Variants in IQCH observed in about 807,000 individuals in gnomAD.
The protein encoded by IQCH is IQ motif containing H.
IQCH carries 98 observed loss-of-function variants against 117.0 expected under a neutral mutation model. That is an observed-to-expected ratio of 0.84 (90% CI 0.71 to 0.99). The LOEUF (loss-of-function observed/expected upper bound fraction) is 0.99, where lower values mean the gene tolerates loss of function less well. Ranked by LOEUF, IQCH falls within the 50% of genes least tolerant of loss-of-function variation. IQCH has a pLI of 0.00. For synonymous variants in IQCH, 412 were observed against 448.2 expected (o/e 0.92, Z 1.02); for missense variants, 1,102 against 1,243.8 (o/e 0.89, Z 1.72).
At chr15:67,402,080 C>T (rs1971683476) in intron 14 of IQCH, among the ~76,000 whole-genome samples, 1 of 152,106 alleles carries the variant, frequency 6.6e-6, no homozygotes, top group South Asian at 2.1e-4. Flanking sequence ...TGACATTTGG[C>T]TGAATTGTAT....
At position 67,357,555 on chromosome 15, in the gene IQCH, T is replaced by G. The variant is rs1969943431; in HGVS notation, c.714+134T>G. On this transcript the variant is annotated intron_variant, in intron 7 of 20. Transcript: ENST00000335894. ...AGTGCTATTTCAGCTGCTGCTGGTA[T>G]GCATTTGACTTTCAAAAGGGGAATT... is the stretch of plus-strand genomic sequence containing the variant. The G allele has an allele frequency of 1.0e-5, 7 of 670,124 alleles. No homozygotes were observed. In the South Asian group the frequency reaches 1.1e-4, roughly 10 times the overall value. The allele number at this position is 670,124 out of a possible 1,614,324, so 41.5% of individuals were successfully genotyped here.
chr15:67,352,688 T>C (rs1252742781), intron 6 of IQCH, among the ~76,000 whole-genome samples: 1 of 152,078 alleles, frequency 6.6e-6, no homozygotes, highest in African/African-American at 2.4e-5. Flanking sequence ...TGAAAACAAT[T>C]TGTCTTTTGT....
chr15:67,267,305 G>A (rs1250984228), intron 3 of IQCH, among the ~76,000 whole-genome samples: 6 of 152,182 alleles, frequency 3.9e-5, no homozygotes, highest in African/African-American at 9.7e-5. Flanking sequence ...TAGAGTGATG[G>A]TTCTCAAACT....
Position 67,433,578 on chromosome 15 carries a change from A to G in IQCH, c.2505+12001A>G, listed in dbSNP as rs1029728928. On this transcript the variant is annotated intron_variant, in intron 16 of 20. Coordinates refer to ENST00000335894, the MANE Select transcript of IQCH (RefSeq NM_001031715.3). This position sits in a 1 kb window ranked among gnomAD's most constrained non-coding sequence, Gnocchi z 5.4. ...TCCTCAAAAGATGCCCATTCTCATC[A>G]TGGAGCTCTTTGCTTCCTTTCAAAT... Among the ~76,000 whole-genome samples, 3 of 152,168 alleles carry G rather than the reference A, an allele frequency of 2.0e-5. No homozygotes were observed. The highest frequency in any genetic ancestry group is 4.8e-5 in the African/African-American group (2 of 41,428).
chr15:67,339,342 C>T (rs1460494682), intron 5 of IQCH, among the ~76,000 whole-genome samples: 1 of 152,078 alleles, frequency 6.6e-6, no homozygotes, highest in Admixed American at 6.6e-5. Context: ...AAAATGAACA[C>T]AGGTCAAAGA....
chr15:67,264,486 T>A (rs896713157), intron 3 of IQCH, among the ~76,000 whole-genome samples: 2 of 152,180 alleles, frequency 1.3e-5, no homozygotes, highest in Non-Finnish European at 2.9e-5. Context: ...GCTTCCAAGC[T>A]CACTCATATA....
intron 18 of IQCH, among the ~76,000 whole-genome samples, chr15:67,483,056 T>TGGTC (rs1172821919): frequency 2.6e-5 from 4 of 152,236 alleles, no homozygotes; most frequent in African/African-American, 9.6e-5. Flanking sequence ...AGAACACTCC[T>TGGTC]GGTCACCTTT....
chr15:67,293,997 C>T (rs1386880295), intron 4 of IQCH, among the ~76,000 whole-genome samples: 1 of 152,100 alleles, frequency 6.6e-6, no homozygotes, highest in African/African-American at 2.4e-5. Flanking sequence ...TTTGAAAGGT[C>T]CCCTATAGAT....
In IQCH at chr15:67,476,435, TC is replaced by T; in HGVS notation, c.2799+618del. Among the ~76,000 whole-genome samples the T allele has an allele frequency of 6.6e-6, 1 of 152,284 alleles. No homozygotes were observed. Among genetic ancestry groups the T allele is most frequent in the African/African-American group, 2.4e-5 (1 of 41,552 alleles). ...CAATCAAAGCATCACACCTACAGCC[TC>T]ATTTAACCTTAATCACTTCCTTAGA... On this transcript the variant is annotated intron_variant, in intron 18 of 20. Transcript: ENST00000335894. This position sits in a 1 kb window ranked among gnomAD's most constrained non-coding sequence, Gnocchi z 4.1.
At chr15:67,428,238 T>C (rs1257493275) in intron 16 of IQCH, among the ~76,000 whole-genome samples, 1 of 152,012 alleles carries the variant, frequency 6.6e-6, no homozygotes, top group East Asian at 1.9e-4. Context: ...CTTTATAGAA[T>C]AGATAAAGGT....
intron 15 of IQCH, 83 bp from the exon 16 acceptor site, chr15:67,421,208 C>A: frequency 8.4e-7 from 1 of 1,196,506 alleles, no homozygotes; most frequent in South Asian, 1.5e-5. Context: ...CAAAGTCTTT[C>A]AAGACATGGC....
At chr15:67,357,483 A>G (rs764702633) in intron 7 of IQCH, 62 bp downstream of exon 7, 13 of 1,063,148 alleles carry the variant, frequency 1.2e-5, no homozygotes, top group African/African-American at 1.1e-4. Context: ...TCTGTGAGAT[A>G]TTTGGTGATT....
Position 67,385,034 on chromosome 15 carries a change from T to C in IQCH, c.1456+15T>C. The C allele has an allele frequency of 2.7e-6, 4 of 1,468,846 alleles. No individual in the cohort carries two copies. Among genetic ancestry groups the C allele is most frequent in the Non-Finnish European group, 3.8e-6 (4 of 1,048,968 alleles). The allele number at this position is 1,468,846 out of a possible 1,614,324, so 91.0% of individuals were successfully genotyped here. ...TGACATCTTAGGTACAGTAAATAGT[T>C]TTACACAAATGACTCTTTGGAATGT... On this transcript the variant is annotated intron_variant, in intron 11 of 20. Transcript: ENST00000335894. The surrounding 1 kb of genome is among the most constrained non-coding windows in gnomAD (Gnocchi z 4.6).
intron 4 of IQCH, among the ~76,000 whole-genome samples, chr15:67,317,889 C>G (rs546435089): frequency 2.0e-5 from 3 of 152,194 alleles, no homozygotes; most frequent in East Asian, 1.9e-4. Flanking sequence ...CTTCCCACCC[C>G]CAAGCCCTAC....
At chr15:67,294,438 C>T (rs781059298) in intron 4 of IQCH, among the ~76,000 whole-genome samples, 1 of 152,160 alleles carries the variant, frequency 6.6e-6, no homozygotes, top group Non-Finnish European at 1.5e-5. Context: ...AATATTTCCA[C>T]GTGTCCCAGT....
intron 17 of IQCH, among the ~76,000 whole-genome samples, chr15:67,469,413 C>T (rs2083015305): frequency 6.6e-6 from 1 of 152,204 alleles, no homozygotes; most frequent in Admixed American, 6.5e-5. Context: ...AAGGAAGGGA[C>T]ATCTCCTGTA....
chr15:67,255,476 C>T (rs1186677459), intron 1 of IQCH, among the ~76,000 whole-genome samples: 1 of 152,178 alleles, frequency 6.6e-6, no homozygotes, highest in Non-Finnish European at 1.5e-5. Context: ...TAGTGAAAGA[C>T]CTTTTTAATT....
chr15:67,418,671 T>A (rs1016715384), intron 15 of IQCH, among the ~76,000 whole-genome samples: 1 of 148,176 alleles, frequency 6.7e-6, no homozygotes, highest in African/African-American at 2.5e-5. Context: ...CTCCGCCTCC[T>A]AGGTTCAAGT....
chr15:67,446,177 C>G (rs140917800), intron 16 of IQCH, among the ~76,000 whole-genome samples: 18 of 152,116 alleles, frequency 1.2e-4, no homozygotes, highest in African/African-American at 3.6e-4. Context: ...GGGAAAGCAC[C>G]AATGTATATA....
Sources: allele counts gnomAD v4.1 joint callset (sites outside exome capture counted in the v4.1 genomes callset), GRCh38; gene constraint gnomAD v4.1.1; non-coding constraint Gnocchi (gnomAD v3.1); transcripts MANE v1.5; gene names NCBI Gene and HGNC (gene_info 2026-07-23, HGNC 2026-07-21).